RAD51B: variants seen among roughly 807,000 people sequenced by gnomAD.
RAD51B encodes the protein RAD51 paralog B, also known as DNA repair protein RAD51 homolog 2.
RAD51B carries 38 observed loss-of-function variants against 42.2 expected under a neutral mutation model. The ratio of observed to expected loss-of-function variants is 0.90; its 90% confidence interval spans 0.70 to 1.18. The LOEUF (loss-of-function observed/expected upper bound fraction) is 1.18. RAD51B is among the 50% of genes most tolerant of loss of function. The pLI is 0.00. For synonymous variants in RAD51B, 154 were observed against 145.2 expected, an observed-to-expected ratio of 1.06 and a Z score of -0.43; for missense variants, 373 against 400.7, an observed-to-expected ratio of 0.93 and a Z score of 0.59.
intron 8 of RAD51B, among the ~76,000 whole-genome samples, chr14:68,373,625 G>A (rs2083304769): frequency 6.6e-6 from 1 of 152,056 alleles, no homozygotes; most frequent in Admixed American, 6.6e-5. Context: ...TTGGTGGGTG[G>A]GGGGCAAGGG....
intron 9 of RAD51B, among the ~76,000 whole-genome samples, chr14:68,419,692 T>G (rs73276280): frequency 0.063 from 9,522 of 152,306 alleles, 600 homozygotes; most frequent in African/African-American, 0.16. Flanking sequence ...GTCCCCATCT[T>G]CATAGGCTAA....
intron 7 of RAD51B, among the ~76,000 whole-genome samples, chr14:68,073,919 G>A (rs909047976): frequency 6.6e-6 from 1 of 152,112 alleles, no homozygotes; most frequent in Non-Finnish European, 1.5e-5. Flanking sequence ...GGTTCCCTTT[G>A]TAAGTGACCT....
In RAD51B at chr14:68,300,699, G is replaced by A. The variant is rs117803036; in HGVS notation, c.853+8719G>A. 1.0e-3 allele frequency among the ~76,000 whole-genome samples: 152 copies of A among 152,276 alleles called. 2 individuals carry two copies. In the East Asian group the frequency reaches 0.026, roughly 26 times the overall value. On this transcript the variant is annotated intron_variant, in intron 8 of 10. Coordinates refer to ENST00000471583, the MANE Select transcript of RAD51B (RefSeq NM_133510.4). ...AATTTGTCTTCAGGAGGGGAGAGAC[G>A]TCTCTTCTGTTTATCCAGAATCCAC...
chr14:67,949,519 T>G (rs988450334), intron 7 of RAD51B, among the ~76,000 whole-genome samples: 4 of 152,202 alleles, frequency 2.6e-5, no homozygotes, highest in Non-Finnish European at 5.9e-5. Flanking sequence ...TCTACAGTTA[T>G]TTCCTCCACT....
intron 7 of RAD51B, among the ~76,000 whole-genome samples, chr14:67,954,969 G>A (rs2074520306): frequency 6.6e-6 from 1 of 152,068 alleles, no homozygotes; most frequent in African/African-American, 2.4e-5. Flanking sequence ...ACAGGAGATG[G>A]GTGGAGGTAT....
intron 7 of RAD51B, among the ~76,000 whole-genome samples, chr14:68,017,204 TA>T (rs941313533): frequency 1.3e-5 from 2 of 152,312 alleles, no homozygotes; most frequent in Admixed American, 1.3e-4. Flanking sequence ...TTTTTTATTT[TA>T]TTTTTTTTGA....
chr14:68,216,991 ATTC>A (rs1227372292), intron 7 of RAD51B, among the ~76,000 whole-genome samples: 2 of 152,174 alleles, frequency 1.3e-5, no homozygotes, highest in Non-Finnish European at 2.9e-5. Context: ...CCAGACTCTA[ATTC>A]TTCTATTCCG....
intron 7 of RAD51B, among the ~76,000 whole-genome samples, chr14:68,048,935 A>G (rs533011438): frequency 6.6e-6 from 1 of 152,344 alleles, no homozygotes; most frequent in Non-Finnish European, 1.5e-5. Flanking sequence ...ACTATTCACA[A>G]TAGCAAAGAC....
chr14:68,207,688 G>C (rs1315570759), intron 7 of RAD51B, among the ~76,000 whole-genome samples: 1 of 152,106 alleles, frequency 6.6e-6, no homozygotes, highest in African/African-American at 2.4e-5. Context: ...AAGCAGGGGA[G>C]CCAGTACTAG....
chr14:68,230,649 AG>A (rs1415434697), intron 7 of RAD51B, among the ~76,000 whole-genome samples: 2 of 152,230 alleles, frequency 1.3e-5, no homozygotes, highest in Non-Finnish European at 2.9e-5. Context: ...TGGGATCTAC[AG>A]TGAGGGAATA....
At chr14:68,136,358 TC>T (rs2078009966) in intron 7 of RAD51B, among the ~76,000 whole-genome samples, 2 of 70,076 alleles carry the variant, frequency 2.9e-5, no homozygotes, top group Non-Finnish European at 8.8e-5. Context: ...GGCGGGTGGA[TC>T]ACGAGGTCAA....
At chr14:68,286,661 C>T (rs1275775782) in intron 7 of RAD51B, among the ~76,000 whole-genome samples, 2 of 152,160 alleles carry the variant, frequency 1.3e-5, no homozygotes, top group African/African-American at 2.4e-5. Flanking sequence ...CCTCCCCTTC[C>T]ACCCCACCAA....
intron 7 of RAD51B, among the ~76,000 whole-genome samples, chr14:68,071,029 G>T (rs987685425): frequency 1.3e-5 from 2 of 151,922 alleles, no homozygotes; most frequent in South Asian, 2.1e-4. Context: ...AAGTATTTTG[G>T]TTTTTTTGTG....
intron 7 of RAD51B, among the ~76,000 whole-genome samples, chr14:67,995,529 T>A (rs1158481294): frequency 6.6e-6 from 1 of 152,152 alleles, no homozygotes; most frequent in Non-Finnish European, 1.5e-5. Context: ...CCATCCCAAG[T>A]TAGAAATATG....
chr14:68,345,682 A>C (rs1381055808), intron 8 of RAD51B, among the ~76,000 whole-genome samples: 3 of 149,322 alleles, frequency 2.0e-5, no homozygotes, highest in Non-Finnish European at 3.0e-5. Flanking sequence ...TTTGAGACAG[A>C]GTATTGCTCT....
intron 7 of RAD51B, among the ~76,000 whole-genome samples, chr14:68,030,099 T>A (rs749562360): frequency 6.6e-6 from 1 of 152,268 alleles, no homozygotes; most frequent in Non-Finnish European, 1.5e-5. Flanking sequence ...TTGTTCTATT[T>A]CCAGTGCACA....
intron 10 of RAD51B, among the ~76,000 whole-genome samples, chr14:68,646,245 C>CA (rs910882395): frequency 2.6e-5 from 4 of 152,292 alleles, no homozygotes; most frequent in African/African-American, 9.6e-5. Flanking sequence ...CCTGTTTTCT[C>CA]ACAAAAGTGG....
intron 7 of RAD51B, among the ~76,000 whole-genome samples, chr14:67,961,165 C>T (rs1027634979): frequency 2.6e-5 from 4 of 151,932 alleles, no homozygotes; most frequent in African/African-American, 4.8e-5. Context: ...CGCCACCACA[C>T]CTGGCTAATT....
chr14:68,197,006 ACT>A (rs1166484610), intron 7 of RAD51B, among the ~76,000 whole-genome samples: 2 of 152,158 alleles, frequency 1.3e-5, no homozygotes, highest in African/African-American at 2.4e-5. Flanking sequence ...TTAGTTTAAG[ACT>A]CTAACTGGAG....
Sources: gnomAD v4.1 joint callset for allele counts (sites outside exome capture counted in the v4.1 genomes callset) on GRCh38, gnomAD v4.1.1 for gene constraint, MANE v1.5 for transcripts, NCBI Gene and HGNC (gene_info 2026-07-23, HGNC 2026-07-21) for gene names.